Variants in ST6GALNAC3 observed in about 807,000 individuals in gnomAD.
The protein encoded by ST6GALNAC3 is alpha-N-acetylgalactosaminide alpha-2,6-sialyltransferase 3.
In ST6GALNAC3, 25 loss-of-function variants were observed where a neutral mutation model predicts 32.7. The observed-to-expected ratio is 0.76, with a 90% CI of 0.56 to 1.07. ST6GALNAC3 has a LOEUF of 1.07. Among genes scored for constraint, ST6GALNAC3 ranks in the 50% least tolerant of loss-of-function variants. The pLI, the probability that ST6GALNAC3 is intolerant of heterozygous loss-of-function variation, is 0.00. For synonymous variants in ST6GALNAC3, 129 were observed against 133.1 expected (o/e 0.97, Z 0.21); for missense variants, 355 against 382.4 (o/e 0.93, Z 0.60).
intron 1 of ST6GALNAC3, among the ~76,000 whole-genome samples, chr1:76,115,377 T>C (rs889129052): frequency 6.6e-6 from 1 of 152,200 alleles, no homozygotes; most frequent in African/African-American, 2.4e-5. Flanking sequence ...TTTTCTAATG[T>C]CAGTTAGAAG....
chr1:76,549,953 G>A (rs1194503895), intron 3 of ST6GALNAC3, among the ~76,000 whole-genome samples: 2 of 152,126 alleles, frequency 1.3e-5, no homozygotes, highest in Admixed American at 1.3e-4. Context: ...TCTTTAAATA[G>A]GTATCTTGGC....
chr1:76,169,388 T>G (rs1004155234), intron 1 of ST6GALNAC3, among the ~76,000 whole-genome samples: 1 of 152,164 alleles, frequency 6.6e-6, no homozygotes, highest in Non-Finnish European at 1.5e-5. Context: ...ACATTTTTCC[T>G]TTCATTTCAA....
chr1:76,412,879 G>T (rs765390116), intron 3 of ST6GALNAC3: 6 of 224,682 alleles, frequency 2.7e-5, no homozygotes, highest in Non-Finnish European at 4.5e-5. Context: ...GTAGCTTCTT[G>T]CATGCAAATA....
At chr1:76,146,415 G>C (rs563999275) in intron 1 of ST6GALNAC3, among the ~76,000 whole-genome samples, 26 of 152,148 alleles carry the variant, frequency 1.7e-4, no homozygotes, top group Non-Finnish European at 3.1e-4. Flanking sequence ...CCTGAAAGTG[G>C]CTCAACTTTT....
chr1:76,293,884 T>G (rs1201404000), intron 1 of ST6GALNAC3, among the ~76,000 whole-genome samples: 1 of 152,092 alleles, frequency 6.6e-6, no homozygotes, highest in Non-Finnish European at 1.5e-5. Flanking sequence ...GGGAGGGGTA[T>G]ACACATATGC....
intron 1 of ST6GALNAC3, among the ~76,000 whole-genome samples, chr1:76,141,557 C>A (rs778249492): frequency 6.6e-6 from 1 of 152,134 alleles, no homozygotes; most frequent in Non-Finnish European, 1.5e-5. Context: ...AAGTGAAAGA[C>A]TAAAGCTTGC....
chr1:76,462,617 GATAA>G (rs1320334498), intron 3 of ST6GALNAC3, among the ~76,000 whole-genome samples: 7 of 152,064 alleles, frequency 4.6e-5, no homozygotes, highest in African/African-American at 1.7e-4. Context: ...CAGATGGATA[GATAA>G]ATAGAGGACA....
chr1:76,248,803 CT>C (rs1390761181), intron 1 of ST6GALNAC3, among the ~76,000 whole-genome samples: 2 of 151,324 alleles, frequency 1.3e-5, no homozygotes, highest in Non-Finnish European at 2.9e-5. Flanking sequence ...TTCCCTCTTT[CT>C]TTTCCTTTGT....
chr1:76,387,597 A>C (rs1261482798), intron 2 of ST6GALNAC3, among the ~76,000 whole-genome samples: 4 of 152,040 alleles, frequency 2.6e-5, no homozygotes, highest in Non-Finnish European at 5.9e-5. Context: ...CCAAGTATTT[A>C]AGTCCCCAAA....
intron 3 of ST6GALNAC3, among the ~76,000 whole-genome samples, chr1:76,450,741 T>G (rs1471922885): frequency 1.3e-5 from 2 of 152,188 alleles, no homozygotes; most frequent in Non-Finnish European, 2.9e-5. Context: ...AAGTAAGAGA[T>G]GAGGATCCAG....
chr1:76,581,976 GT>G (rs1300185513), intron 3 of ST6GALNAC3, among the ~76,000 whole-genome samples: 1 of 152,046 alleles, frequency 6.6e-6, no homozygotes, highest in African/African-American at 2.4e-5. Flanking sequence ...TGCTTGCCTT[GT>G]TACTATTTTT....
chr1:76,214,769 A>C (rs1655362232), intron 1 of ST6GALNAC3, among the ~76,000 whole-genome samples: 1 of 152,220 alleles, frequency 6.6e-6, no homozygotes, highest in Non-Finnish European at 1.5e-5. Context: ...AAAAGTCCTT[A>C]TGCTGTCATT....
intron 1 of ST6GALNAC3, among the ~76,000 whole-genome samples, chr1:76,111,438 TTTCA>T (rs10615636): frequency 0.26 from 39,641 of 151,698 alleles, 6,076 homozygotes; most frequent in African/African-American, 0.43. Flanking sequence ...CATTTTTTTT[TTTCA>T]TAATAAAATA....
At chr1:76,193,423 C>G (rs1654021043) in intron 1 of ST6GALNAC3, among the ~76,000 whole-genome samples, 1 of 152,152 alleles carries the variant, frequency 6.6e-6, no homozygotes, top group African/African-American at 2.4e-5. Context: ...AGCCTCCCTT[C>G]TTTATCTTCT....
intron 2 of ST6GALNAC3, among the ~76,000 whole-genome samples, chr1:76,375,579 T>A (rs1651157234): frequency 6.6e-6 from 1 of 152,108 alleles, no homozygotes; most frequent in African/African-American, 2.4e-5. Context: ...CAGCGTGAAG[T>A]GACTAGAAGC....
rs1662067458 is a variant in ST6GALNAC3, at chr1:76,514,652, C to T, written c.623+102235C>T. ...TATGCTCTTCCTTTGACTTTCCCTG[C>T]CATGTTGTGACGCAGCAAAAGCCCT... On this transcript the variant is annotated intron_variant, in intron 3 of 4. Coordinates refer to ENST00000328299, the MANE Select transcript of ST6GALNAC3 (RefSeq NM_152996.4). 3.9e-5 allele frequency among the ~76,000 whole-genome samples: 6 copies of T among 152,286 alleles called. No individual in the cohort carries two copies. The South Asian group carries it at 1.2e-3, about 32-fold the overall frequency.
At chr1:76,541,748 A>G (rs553458888) in intron 3 of ST6GALNAC3, among the ~76,000 whole-genome samples, 7 of 152,194 alleles carry the variant, frequency 4.6e-5, no homozygotes, top group Non-Finnish European at 1.0e-4. Flanking sequence ...TGTGTATCAC[A>G]TGGCTGGAGT....
chr1:76,128,550 A>G (rs1443230758), intron 1 of ST6GALNAC3, among the ~76,000 whole-genome samples: 1 of 152,190 alleles, frequency 6.6e-6, no homozygotes, highest in Non-Finnish European at 1.5e-5. Flanking sequence ...AGGCTGAGCA[A>G]TGGCTGCTTC....
intron 1 of ST6GALNAC3, among the ~76,000 whole-genome samples, chr1:76,236,950 A>C (rs1469661786): frequency 6.6e-6 from 1 of 152,196 alleles, no homozygotes; most frequent in Admixed American, 6.5e-5. Flanking sequence ...TTCAGTGAAC[A>C]GAGTCCCTGA....
Sources: gnomAD v4.1 joint callset for allele counts (sites outside exome capture counted in the v4.1 genomes callset) on GRCh38, gnomAD v4.1.1 for gene constraint, MANE v1.5 for transcripts, NCBI Gene and HGNC (gene_info 2026-07-23, HGNC 2026-07-21) for gene names.